The following NRG1 variants were observed in gnomAD, a reference collection of about 807,000 sequenced individuals.
The protein encoded by NRG1 is neuregulin 1.
A neutral mutation model predicts 63.8 loss-of-function variants in NRG1; 18 were observed. The ratio of observed to expected loss-of-function variants is 0.28; its 90% CI spans 0.19 to 0.42. NRG1 has a LOEUF of 0.42. Among genes scored for constraint, NRG1 ranks in the 10% least tolerant of loss-of-function variants. NRG1 has a pLI of 1.00. For missense variants in NRG1, 762 were observed against 814.7 expected (o/e 0.94, Z 0.79); for synonymous variants, 302 against 301.3 (o/e 1.00, Z -0.02).
chr8:32,206,370 T>C (rs1206734020), intron 1 of NRG1, among the ~76,000 whole-genome samples: 1 of 152,028 alleles, frequency 6.6e-6, no homozygotes. Flanking sequence ...TATAACTAGA[T>C]ACATGTTGGA....
At chr8:32,645,917 A>G (rs944034031) in intron 5 of NRG1, among the ~76,000 whole-genome samples, 1 of 152,352 alleles carries the variant, frequency 6.6e-6, no homozygotes, top group East Asian at 1.9e-4. Context: ...CATTGAAACT[A>G]CTGAAAGGTA....
intron 1 of NRG1, among the ~76,000 whole-genome samples, chr8:31,911,065 A>G (rs757903742): frequency 6.6e-6 from 1 of 152,324 alleles, no homozygotes; most frequent in South Asian, 2.1e-4. Context: ...GTTGTCAGCC[A>G]TGAAAACAAA....
At chr8:32,270,379 C>T (rs899124757) in intron 1 of NRG1, among the ~76,000 whole-genome samples, 1 of 152,112 alleles carries the variant, frequency 6.6e-6, no homozygotes, top group Admixed American at 6.6e-5. Flanking sequence ...ACCACAGATT[C>T]CTGTTTATGT....
In NRG1 at chr8:32,363,132, T is replaced by C. The variant is rs182214253; in HGVS notation, c.38-232696T>C. On this transcript the variant is annotated intron_variant, in intron 1 of 10. Coordinates refer to the NRG1 transcript ENST00000519301. The stretch of plus-strand genomic sequence containing the variant: ...GCCTCATAGTCTGCATCTTCAAACT[T>C]TTTCCATACTGTAAAACTGTCTTCG... Among the ~76,000 whole-genome samples, 74 of 152,268 alleles carry C rather than the reference T, an allele frequency of 4.9e-4. 2 individuals carry two copies. Among genetic ancestry groups the C allele is most frequent in the African/African-American group, 1.8e-3 (74 of 41,552 alleles).
chr8:32,478,570 C>T (rs1421110234), intron 1 of NRG1, among the ~76,000 whole-genome samples: 3 of 152,160 alleles, frequency 2.0e-5, no homozygotes, highest in Non-Finnish European at 4.4e-5. Context: ...ATCCTAAAAT[C>T]TTATAGCACA....
chr8:32,518,783 G>A (rs1307048110), intron 1 of NRG1, among the ~76,000 whole-genome samples: 1 of 152,170 alleles, frequency 6.6e-6, no homozygotes, highest in Non-Finnish European at 1.5e-5. Flanking sequence ...ATAAAGAAAT[G>A]AGAAATAACA....
intron 1 of NRG1, among the ~76,000 whole-genome samples, chr8:32,074,149 A>T (rs1252805166): frequency 6.6e-6 from 1 of 152,198 alleles, no homozygotes; most frequent in East Asian, 1.9e-4. Flanking sequence ...TGCTAAATAT[A>T]ACTTATTAAT....
chr8:32,546,650 A>G (rs768816684), upstream of NRG1, among the ~76,000 whole-genome samples: 1 of 152,228 alleles, frequency 6.6e-6, no homozygotes, highest in Non-Finnish European at 1.5e-5. Context: ...TTTATAGCCC[A>G]GTGAAATTTA....
chr8:31,696,963 C>T (rs921515069), intron 1 of NRG1, among the ~76,000 whole-genome samples: 7 of 152,140 alleles, frequency 4.6e-5, no homozygotes, highest in Non-Finnish European at 7.4e-5. Flanking sequence ...GAAGTCAGGG[C>T]TCCTAGTTTA....
At chr8:32,158,486 A>C (rs1423423222) in intron 1 of NRG1, among the ~76,000 whole-genome samples, 1 of 49,294 alleles carries the variant, frequency 2.0e-5, no homozygotes, top group African/African-American at 5.4e-5. Flanking sequence ...GTATATGTAT[A>C]TGATTTACCT....
At chr8:32,524,433 T>C (rs1360555651) in intron 1 of NRG1, among the ~76,000 whole-genome samples, 1 of 152,210 alleles carries the variant, frequency 6.6e-6, no homozygotes, top group Admixed American at 6.5e-5. Flanking sequence ...TTTTTCTCTC[T>C]TGGTTCCTTT....
intron 3 of NRG1, among the ~76,000 whole-genome samples, chr8:32,608,092 G>GTTTTGTTTTTTTTTTTT (rs1845594606): frequency 1.9e-5 from 2 of 106,158 alleles, no homozygotes; most frequent in African/African-American, 6.7e-5. Flanking sequence ...GGTTTTTTTT[G>GTTTTGTTTTTTTTTTTT]TTTTTTTTTT....
At chr8:31,867,238 T>C (rs1829041931) in intron 1 of NRG1, among the ~76,000 whole-genome samples, 3 of 152,144 alleles carry the variant, frequency 2.0e-5, no homozygotes, top group Admixed American at 6.6e-5. Flanking sequence ...AGCCACAAAA[T>C]GGAAAATGTG....
At chr8:32,280,691 G>GTTTTTTTTTTTT (rs1174950316) in intron 1 of NRG1, among the ~76,000 whole-genome samples, 272 of 57,254 alleles carry the variant, frequency 4.8e-3, no homozygotes, top group Non-Finnish European at 7.2e-3. Context: ...TTTTTTTTTT[G>GTTTTTTTTTTTT]TTTTTTTTTT....
At chr8:32,328,789 T>C (rs1369190107) in intron 1 of NRG1, among the ~76,000 whole-genome samples, 2 of 152,130 alleles carry the variant, frequency 1.3e-5, no homozygotes, top group Non-Finnish European at 2.9e-5. Context: ...AAGCAAATGA[T>C]GGGAAAAGCA....
At chr8:32,647,579 C>G (rs1157759293) in intron 5 of NRG1, 4 of 1,389,970 alleles carry the variant, frequency 2.9e-6, no homozygotes, top group Non-Finnish European at 2.8e-6. Flanking sequence ...TTTCTGAACT[C>G]TTCTTGATTT....
chr8:31,683,855 G>A (rs971064933), intron 1 of NRG1, among the ~76,000 whole-genome samples: 1 of 152,062 alleles, frequency 6.6e-6, no homozygotes, highest in Non-Finnish European at 1.5e-5. Flanking sequence ...ACCTGAAACT[G>A]CTCTAAAGTA....
At chr8:32,476,670 A>G (rs1824562556) in intron 1 of NRG1, among the ~76,000 whole-genome samples, 1 of 152,194 alleles carries the variant, frequency 6.6e-6, no homozygotes. Flanking sequence ...TGATCCCAGC[A>G]TTTGCTACTC....
chr8:32,225,967 C>A (rs912918123), intron 1 of NRG1, among the ~76,000 whole-genome samples: 3 of 152,226 alleles, frequency 2.0e-5, no homozygotes, highest in African/African-American at 7.2e-5. Flanking sequence ...TGGTTTGATT[C>A]TCTCCTTAGC....
Sources: allele counts gnomAD v4.1 joint callset (sites outside exome capture counted in the v4.1 genomes callset), GRCh38; gene constraint gnomAD v4.1.1; transcripts MANE v1.5; gene names NCBI Gene and HGNC (gene_info 2026-07-23, HGNC 2026-07-21).